The following DPP6 variants were observed in gnomAD, a reference collection of about 807,000 sequenced individuals.
DPP6 encodes dipeptidyl peptidase like 6.
DPP6 carries 69 observed loss-of-function variants against 122.6 expected under a neutral mutation model. That is an observed-to-expected ratio of 0.56 (90% CI 0.46 to 0.69). The LOEUF is 0.69. DPP6 is among the 30% of genes least tolerant of loss of function. The pLI is 0.00. For synonymous variants in DPP6, 418 were observed against 433.1 expected (o/e 0.97, Z 0.43); for missense variants, 928 against 1,116.9 (o/e 0.83, Z 2.41).
chr7:153,881,983 G>T, the DPP6 span, among the ~76,000 whole-genome samples: 1 of 152,076 alleles, frequency 6.6e-6, no homozygotes, highest in Admixed American at 6.6e-5. Context: ...ACCAGACACC[G>T]TGAGATCCTC....
intron 1 of DPP6, among the ~76,000 whole-genome samples, chr7:154,406,905 AAAGG>A (rs1816164916): frequency 6.6e-6 from 1 of 152,166 alleles, no homozygotes; most frequent in African/African-American, 2.4e-5. Context: ...TTCCCAGCAA[AAAGG>A]AATTGTGCCA....
intron 1 of DPP6, among the ~76,000 whole-genome samples, chr7:154,020,855 G>C (rs1798663851): frequency 1.3e-5 from 2 of 152,116 alleles, no homozygotes; most frequent in African/African-American, 4.8e-5. Flanking sequence ...TGGTGGAAGG[G>C]GGAAGGCAGA....
chr7:154,225,667 T>G (rs1263346933), intron 1 of DPP6, among the ~76,000 whole-genome samples: 1 of 152,190 alleles, frequency 6.6e-6, no homozygotes, highest in East Asian at 1.9e-4. Flanking sequence ...CTGTAACACT[T>G]GTGTAGGGAA....
chr7:153,963,371 C>A (rs1795460118), intron 1 of DPP6, among the ~76,000 whole-genome samples: 1 of 148,874 alleles, frequency 6.7e-6, no homozygotes, highest in South Asian at 2.2e-4. Flanking sequence ...AGGAAGGAAG[C>A]ACCAAAGTAA....
At chr7:154,826,460 G>A (rs945522344) in intron 16 of DPP6, among the ~76,000 whole-genome samples, 7 of 152,148 alleles carry the variant, frequency 4.6e-5, no homozygotes, top group African/African-American at 1.2e-4. Flanking sequence ...ATTGTTCAGT[G>A]GTTATTATTT....
At chr7:154,736,620 G>A (rs754880329) in intron 8 of DPP6, among the ~76,000 whole-genome samples, 1 of 152,230 alleles carries the variant, frequency 6.6e-6, no homozygotes, top group Non-Finnish European at 1.5e-5. Context: ...CTGACATCAT[G>A]TCTGAATTCT....
rs1454133767 is a variant in DPP6, at chr7:154,062,056, A to C, written c.243+8993A>C. Among the ~76,000 whole-genome samples the C allele has an allele frequency of 4.7e-5, 5 of 105,606 alleles. 2 individuals carry two copies. The highest frequency in any genetic ancestry group is 8.0e-5 in the Non-Finnish European group (4 of 50,060). 69.3% of individuals were successfully genotyped at this position (105,606 alleles called of 152,430 possible). ...CCCCGCGAGGCAGGGACTGACAGCC[A>C]GCCCCTGGTTCCCCCACTGGCTCTT... On this transcript the variant is annotated intron_variant, in intron 1 of 25. Coordinates refer to ENST00000377770, the MANE Select transcript of DPP6 (RefSeq NM_130797.4).
At position 154,892,399 on chromosome 7, in the gene DPP6, C is replaced by T; in HGVS notation, c.2517C>T (p.Ile839=). The change falls in exon 26 of 26, where the codon ATC becomes ATT. Residue 839 remains isoleucine (I), a synonymous_variant. Transcript: ENST00000377770. ...SSLKQHLYRS[I]INFFVECFRI... is the part of the protein sequence containing the mutation. ...TCAAACAGCATCTGTACCGGTCCAT[C>T]ATCAACTTCTTCGTGGAATGCTTCA... is the stretch of plus-strand genomic sequence containing the variant. 1 of 1,614,054 alleles carries T rather than the reference C, an allele frequency of 6.2e-7. No homozygotes were observed. The highest frequency in any genetic ancestry group is 1.1e-5 in the South Asian group (1 of 91,090).
chr7:153,923,807 A>T (rs1585038651), intron 1 of DPP6, among the ~76,000 whole-genome samples: 1 of 144,864 alleles, frequency 6.9e-6, no homozygotes, highest in Non-Finnish European at 1.5e-5. Context: ...CTTAGCGGGG[A>T]GGATCTGAAG....
exon 1 of DPP6, chr7:153,887,564 T>TC: frequency 8.4e-7 from 1 of 1,187,094 alleles, no homozygotes; most frequent in South Asian, 1.3e-5. Context: ...GATTTTTTTT[T>TC]CCTTCAAAAA....
chr7:154,780,330 A>C (rs1212616942), intron 10 of DPP6, among the ~76,000 whole-genome samples: 1 of 152,254 alleles, frequency 6.6e-6, no homozygotes, highest in Admixed American at 6.5e-5. Flanking sequence ...AGCTGTCAGA[A>C]TAATAAGTTT....
the DPP6 span, among the ~76,000 whole-genome samples, chr7:153,776,931 T>C: frequency 6.6e-6 from 1 of 152,322 alleles, no homozygotes; most frequent in Non-Finnish European, 1.5e-5. Context: ...TTTAAAACTG[T>C]TGAAAGAATA....
rs563013395 is a variant in DPP6, at chr7:154,831,188, G to C, written c.1667-22592G>C. 2.0e-5 allele frequency among the ~76,000 whole-genome samples: 3 copies of C among 152,286 alleles called. No individual in the cohort carries two copies. The East Asian group carries it at 5.8e-4, about 29-fold the overall frequency. On this transcript the variant is annotated intron_variant, in intron 16 of 25. Transcript: ENST00000377770. ...ACAGGATGAATCCACACCAATCCAC[G>C]ACCAGTCGTCCACTGTGGAGAGCTC... is the stretch of plus-strand genomic sequence containing the variant.
intron 1 of DPP6, among the ~76,000 whole-genome samples, chr7:154,177,651 T>G (rs1371771168): frequency 6.6e-6 from 1 of 152,198 alleles, no homozygotes; most frequent in Non-Finnish European, 1.5e-5. Flanking sequence ...TTACGCACTT[T>G]TTAAAATAAT....
intron 5 of DPP6, among the ~76,000 whole-genome samples, chr7:154,569,770 G>C (rs1477589144): frequency 1.3e-5 from 2 of 151,602 alleles, no homozygotes; most frequent in Non-Finnish European, 2.9e-5. Flanking sequence ...CATTTCGTCA[G>C]GATAATTATA....
chr7:154,070,499 T>G (rs1803040552), intron 1 of DPP6, among the ~76,000 whole-genome samples: 1 of 152,218 alleles, frequency 6.6e-6, no homozygotes, highest in Admixed American at 6.5e-5. Context: ...TTAGATGACA[T>G]GCTAATAGGC....
chr7:154,502,858 T>C (rs781263828), intron 3 of DPP6, among the ~76,000 whole-genome samples: 5 of 152,094 alleles, frequency 3.3e-5, no homozygotes, highest in Non-Finnish European at 5.9e-5. Flanking sequence ...AGGATGTAAA[T>C]AGCAGCTGGG....
In DPP6 at chr7:154,592,242, G is replaced by C. The variant is rs185100149; in HGVS notation, c.627+25326G>C. Among the ~76,000 whole-genome samples the C allele has an allele frequency of 2.5e-3, 377 of 152,320 alleles. 1 individual carries two copies. The highest frequency in any genetic ancestry group is 8.7e-3 in the African/African-American group (362 of 41,580). On this transcript the variant is annotated intron_variant, in intron 5 of 25. Coordinates refer to ENST00000377770, the MANE Select transcript of DPP6 (RefSeq NM_130797.4). ...CTTGACTGGTCCACATGTCCTTTCT[G>C]GCTTAAGACACTGCTTATCTTGACT... is the stretch of plus-strand genomic sequence containing the variant.
chr7:153,875,433 G>C, the DPP6 span, among the ~76,000 whole-genome samples: 8 of 152,040 alleles, frequency 5.3e-5, no homozygotes, highest in Non-Finnish European at 1.2e-4. Flanking sequence ...AAAGATAAAT[G>C]TGTGGCTATG....
Sources: gnomAD v4.1 joint callset for allele counts (sites outside exome capture counted in the v4.1 genomes callset) on GRCh38, gnomAD v4.1.1 for gene constraint, MANE v1.5 for transcripts, NCBI Gene and HGNC (gene_info 2026-07-23, HGNC 2026-07-21) for gene names.